Variants in KNG1 observed in about 807,000 individuals in gnomAD.
KNG1 encodes kininogen 1.
Under a neutral mutation model 47.8 loss-of-function variants are expected in KNG1, and 23 were observed. That is an observed-to-expected ratio of 0.48 (90% CI 0.35 to 0.68). The LOEUF is 0.68. Among genes scored for constraint, KNG1 ranks in the 30% least tolerant of loss-of-function variants. The pLI is 0.01. For missense variants in KNG1, 762 were observed against 790.2 expected (o/e 0.96, Z 0.43); for synonymous variants, 277 against 277.0 (o/e 1.00, Z 0.00).
intron 6 of KNG1, 46 bp from the exon 7 acceptor site, chr3:186,732,456 G>T: frequency 1.9e-6 from 3 of 1,581,278 alleles, no homozygotes; most frequent in Non-Finnish European, 2.6e-6. Context: ...GCTAGGCCAG[G>T]CTGCTACTTC....
At chr3:186,730,683 AATAT>A (rs200151975) in intron 5 of KNG1, among the ~76,000 whole-genome samples, 669 of 38,930 alleles carry the variant, frequency 0.017, 4 homozygotes, top group Non-Finnish European at 0.019. Context: ...AAAAAAAAAA[AATAT>A]ATATATATAT....
intron 5 of KNG1, among the ~76,000 whole-genome samples, chr3:186,730,167 T>G (rs546092672): frequency 6.6e-6 from 1 of 152,044 alleles, no homozygotes; most frequent in East Asian, 1.9e-4. Context: ...TTTTTTTCCT[T>G]ATCCAAGAAA....
chr3:186,723,716 A>T (rs867001862), intron 3 of KNG1, among the ~76,000 whole-genome samples: 1 of 151,326 alleles, frequency 6.6e-6, no homozygotes, highest in South Asian at 2.1e-4. Flanking sequence ...GTGCAGTGGC[A>T]CGATCTAGGC....
intron 9 of KNG1, 63 bp downstream of exon 9, chr3:186,739,477 G>A (rs1720752312): frequency 1.8e-6 from 2 of 1,137,716 alleles, no homozygotes; most frequent in Non-Finnish European, 2.7e-6. Context: ...CCATATTTGG[G>A]GGCTGAAAAT....
chr3:186,722,759 C>CA (rs1378307507), intron 3 of KNG1, among the ~76,000 whole-genome samples: 1 of 152,200 alleles, frequency 6.6e-6, no homozygotes, highest in Non-Finnish European at 1.5e-5. Flanking sequence ...CCAGTGTGTG[C>CA]AAGGGCTCAA....
Position 186,742,578 on chromosome 3 carries a change from C to G in KNG1, c.*247C>G. On this transcript the variant is annotated 3_prime_UTR_variant, in exon 10 of 10. Transcript: ENST00000644859. ...AAGTTTTCTAAACTAGCACAGTAAA[C>G]AGACAAACTAATGTGCCGTATGGCC... 1 of 1,343,776 alleles carries G rather than the reference C, an allele frequency of 7.4e-7. No homozygotes were observed. The highest frequency in any genetic ancestry group is 9.6e-7 in the Non-Finnish European group (1 of 1,046,982). The allele number at this position is 1,343,776 out of a possible 1,614,324, so 83.2% of individuals were successfully genotyped here.
chr3:186,721,389 T>A (rs574222898), intron 2 of KNG1: 1 of 152,410 alleles, frequency 6.6e-6, no homozygotes, highest in Non-Finnish European at 1.5e-5. Flanking sequence ...TGGAATAGTA[T>A]CTGTCACTTA....
chr3:186,737,392 T>G (rs898971200), intron 7 of KNG1, among the ~76,000 whole-genome samples: 1 of 152,084 alleles, frequency 6.6e-6, no homozygotes, highest in African/African-American at 2.4e-5. Context: ...CTTTGCTTAT[T>G]GTGATTTTTC....
chr3:186,742,653 C>A lies in KNG1; in HGVS notation c.*322C>A. On this transcript the variant is annotated 3_prime_UTR_variant, in exon 10 of 10. Transcript: ENST00000644859. Reference sequence around the variant, plus strand: ...CAAATATGTACCTTACAACATATGTCATGAATTTGCATACAAAGATTCTTG... The same window carrying A: ...CAAATATGTACCTTACAACATATGTAATGAATTTGCATACAAAGATTCTTG... 1 of 1,100,762 alleles carries A rather than the reference C, an allele frequency of 9.1e-7. No individual in the cohort carries two copies. Among genetic ancestry groups the A allele is most frequent in the Non-Finnish European group, 1.1e-6 (1 of 903,010 alleles). 68.2% of individuals were successfully genotyped at this position (1,100,762 alleles called of 1,614,324 possible).
At position 186,741,863 on chromosome 3, in the gene KNG1, T is replaced by C. The variant is rs760848286; in HGVS notation, c.1467T>C (p.His489=). The C allele has an allele frequency of 1.9e-6, 3 of 1,613,872 alleles. No individual in the cohort carries two copies. The highest frequency in any genetic ancestry group is 2.5e-6 in the Non-Finnish European group (3 of 1,179,830). ...ATGATCTTGAACACCAAGGGGGCCA[T>C]GTCCTTGACCATGGACATAAGCATA... ...LDDDLEHQGG[H]VLDHGHKHKH... Residue 489 remains histidine (H), a synonymous_variant, in exon 10 of 10, where the codon CAT becomes CAC. Coordinates refer to ENST00000644859, the MANE Select transcript of KNG1 (RefSeq NM_001102416.3).
intron 2 of KNG1, chr3:186,721,204 A>T (rs1656910): frequency 6.6e-6 from 1 of 151,916 alleles, no homozygotes; most frequent in African/African-American, 2.4e-5. Context: ...GATGACTGCC[A>T]GTCATCTGCC....
At chr3:186,738,863 G>T in intron 7 of KNG1, 2 of 421,794 alleles carry the variant, frequency 4.7e-6, no homozygotes, top group Non-Finnish European at 8.6e-6. Flanking sequence ...AAAAAATAAA[G>T]AAAATTATAG....
At chr3:186,725,583 C>A (rs1237324462) in intron 4 of KNG1, among the ~76,000 whole-genome samples, 2 of 105,814 alleles carry the variant, frequency 1.9e-5, no homozygotes, top group Admixed American at 1.2e-4. Context: ...CTCTCTCTGT[C>A]GCCCAGGCTG....
rs920752561 is a variant in KNG1 at position 186,731,551 on chromosome 3, G to A, written c.679G>A (p.Gly227Ser). The change falls in exon 6 of 10, where the codon GGT becomes AGT. Residue 227 changes from glycine to serine, a missense_variant. Coordinates refer to ENST00000644859, the MANE Select transcript of KNG1 (RefSeq NM_001102416.3). ...DCKSLWNGDT[G>S]ECTDNAYIDI... ...TATGCTTTTTAAAAACCAGGATACC[G>A]GTGAATGTACAGATAATGCATACAT... 19 of 1,604,020 alleles carry A rather than the reference G, an allele frequency of 1.2e-5. No homozygotes were observed. Among genetic ancestry groups the A allele is most frequent in the Middle Eastern group, 3.3e-4 (2 of 6,064 alleles).
chr3:186,742,666 A>T lies in KNG1; in HGVS notation c.*335A>T, dbSNP rs1319852774. The T allele has an allele frequency of 9.2e-7, 1 of 1,082,900 alleles. No individual in the cohort carries two copies. Among genetic ancestry groups the T allele is most frequent in the Non-Finnish European group, 1.1e-6 (1 of 891,824 alleles). 67.1% of individuals were successfully genotyped at this position (1,082,900 alleles called of 1,614,324 possible). A position where few individuals can be genotyped will look rare whatever the true frequency, so the allele number is the denominator to read the frequency against. On this transcript the variant is annotated 3_prime_UTR_variant, in exon 10 of 10. Coordinates refer to ENST00000644859, the MANE Select transcript of KNG1 (RefSeq NM_001102416.3). ...TACAACATATGTCATGAATTTGCAT[A>T]CAAAGATTCTTGTCATTCTTAATAA...
chr3:186,720,083 A>T (rs1184243234), intron 1 of KNG1, 22 bp from the exon 2 acceptor site: 1 of 1,512,044 alleles, frequency 6.6e-7, no homozygotes, highest in South Asian at 1.1e-5. Context: ...ATGAACCCTA[A>T]GTATCTTTGG....
intron 7 of KNG1, chr3:186,738,672 C>A: frequency 5.1e-6 from 1 of 196,380 alleles, no homozygotes; most frequent in East Asian, 1.4e-4. Flanking sequence ...CATGGAGAAA[C>A]CCCATCTCTA....
In KNG1 at chr3:186,717,619, T is replaced by C. The variant is rs755760174; in HGVS notation, c.77T>C (p.Ile26Thr). The change falls in exon 1 of 10, where the codon ATT becomes ACT. Residue 26 changes from isoleucine (I) to threonine (T), a missense_variant. Physicochemically the swap from Ile to Thr is moderately conservative, Grantham distance 89. Coordinates refer to ENST00000644859, the MANE Select transcript of KNG1 (RefSeq NM_001102416.3). ...SLTQESQSEE[I>T]DCNDKDLFKA... ...ACCCAGGAATCACAGTCCGAGGAAA[T>C]TGACTGCAATGACAAGGATTTATTT... is the stretch of plus-strand genomic sequence containing the variant. The C allele has an allele frequency of 3.7e-6, 6 of 1,612,850 alleles. No individual in the cohort carries two copies. Among genetic ancestry groups the C allele is most frequent in the East Asian group, 4.5e-5 (2 of 44,892 alleles).
intron 9 of KNG1, among the ~76,000 whole-genome samples, chr3:186,740,925 C>T (rs1579131246): frequency 6.6e-6 from 1 of 152,058 alleles, no homozygotes; most frequent in Admixed American, 6.6e-5. Context: ...AGCAAAAACA[C>T]TCCAGCTTAT....
Sources: gnomAD v4.1 joint callset for allele counts (sites outside exome capture counted in the v4.1 genomes callset) on GRCh38, gnomAD v4.1.1 for gene constraint, MANE v1.5 for transcripts, NCBI Gene and HGNC (gene_info 2026-07-23, HGNC 2026-07-21) for gene names.